PROM1: variants seen among roughly 807,000 people sequenced by gnomAD.
The protein encoded by PROM1 is prominin-1.
A neutral mutation model predicts 116.9 loss-of-function variants in PROM1; 105 were observed. The ratio of observed to expected loss-of-function variants is 0.90; its 90% CI spans 0.77 to 1.06. The LOEUF (loss-of-function observed/expected upper bound fraction) is 1.06. PROM1 is among the 50% of genes least tolerant of loss of function. The pLI, the probability that PROM1 is intolerant of heterozygous loss-of-function variation, is 0.00. For synonymous variants in PROM1, 393 were observed against 387.0 expected (o/e 1.02, Z -0.18); for missense variants, 1,122 against 1,045.2 (o/e 1.07, Z -1.01).
chr4:15,985,260 T>A (rs1369243388), intron 22 of PROM1, among the ~76,000 whole-genome samples: 1 of 152,164 alleles, frequency 6.6e-6, no homozygotes, highest in Non-Finnish European at 1.5e-5. Flanking sequence ...CTATATCTTT[T>A]ATATAAGGGA....
At chr4:15,988,026 T>A (rs371888602) in intron 19 of PROM1, among the ~76,000 whole-genome samples, 21 of 152,076 alleles carry the variant, frequency 1.4e-4, no homozygotes, top group African/African-American at 4.8e-4. Context: ...ACAGGCGTCC[T>A]CCACCACGCC....
At chr4:16,038,609 G>C (rs1560544825) in intron 3 of PROM1, among the ~76,000 whole-genome samples, 1 of 151,518 alleles carries the variant, frequency 6.6e-6, no homozygotes, top group African/African-American at 2.4e-5. Flanking sequence ...CACCATATTG[G>C]CCAGGCTGGT....
At position 15,979,423 on chromosome 4, in the gene PROM1, A is replaced by G; in HGVS notation, c.2554T>C (p.Tyr852His). 2 of 1,613,362 alleles carry G rather than the reference A, an allele frequency of 1.2e-6. No homozygotes were observed. The highest frequency in any genetic ancestry group is 1.7e-6 in the Non-Finnish European group (2 of 1,179,618). ...GTCATAACAGGATTGTGAATACCAT[A>G]TACATGATCTTTATGATAACCATTA... ...GNNGYHKDHV[Y>H]GIHNPVMTSP... The change falls in exon 26 of 28, where the codon TAT becomes CAT. Residue 852 changes from tyrosine (Y) to histidine (H), a missense_variant. Coordinates refer to ENST00000447510, the MANE Select transcript of PROM1 (RefSeq NM_006017.3).
intron 2 of PROM1, among the ~76,000 whole-genome samples, chr4:16,072,023 G>A (rs1742929433): frequency 6.6e-6 from 1 of 152,082 alleles, no homozygotes; most frequent in South Asian, 2.1e-4. Flanking sequence ...TAATCCTTTT[G>A]CAGCTTCAGG....
chr4:16,063,405 G>T (rs1740801966), intron 2 of PROM1, among the ~76,000 whole-genome samples: 1 of 152,094 alleles, frequency 6.6e-6, no homozygotes, highest in African/African-American at 2.4e-5. Flanking sequence ...AGACCAGCCT[G>T]GCCAACATGG....
chr4:15,978,415 T>G (rs929351115), intron 26 of PROM1, among the ~76,000 whole-genome samples: 2 of 152,236 alleles, frequency 1.3e-5, no homozygotes, highest in Non-Finnish European at 1.5e-5. Flanking sequence ...AGGTGGAGCA[T>G]CAACTGTTAC....
intron 18 of PROM1, 23 bp downstream of exon 18, chr4:15,991,199 T>G (rs1427221782): frequency 2.5e-6 from 4 of 1,588,288 alleles, no homozygotes; most frequent in Non-Finnish European, 3.4e-6. Context: ...ACTACAGTAT[T>G]TAACCGGACG....
intron 26 of PROM1, chr4:15,976,109 G>A (rs933416294): frequency 3.6e-5 from 16 of 447,870 alleles, no homozygotes; most frequent in Admixed American, 1.2e-4. Context: ...AATGTCTGTC[G>A]TAAGCAGAAT....
chr4:15,991,193 C>T, intron 18 of PROM1, 29 bp downstream of exon 18: 1 of 1,568,606 alleles, frequency 6.4e-7, no homozygotes. Context: ...ACAACTACTA[C>T]AGTATTTAAC....
intron 17 of PROM1, among the ~76,000 whole-genome samples, chr4:15,991,796 C>T (rs1485515218): frequency 3.3e-5 from 5 of 151,620 alleles, no homozygotes; most frequent in East Asian, 1.9e-4. Flanking sequence ...GTTAGCTGGG[C>T]GTGGTGGCAG....
In PROM1 at chr4:16,006,569, C is replaced by G; in HGVS notation, c.1423G>C (p.Val475Leu). The G allele has an allele frequency of 6.2e-7, 1 of 1,601,102 alleles. No individual in the cohort carries two copies. Reference sequence around the variant, plus strand: ...AGGAAGACGCCTCCGGTGTTGGAGACACAGCCTCGGGTGGTCGGGGTGGCA... The same window carrying G: ...AGGAAGACGCCTCCGGTGTTGGAGAGACAGCCTCGGGTGGTCGGGGTGGCA... Reference protein sequence around the residue: ...RHATPTTRGCVSNTGGVFLMV... With the variant: ...RHATPTTRGCLSNTGGVFLMV... The change falls in exon 13 of 28, where the codon GTC becomes CTC. Residue 475 changes from valine (V) to leucine (L), a missense_variant. Transcript: ENST00000447510.
chr4:15,974,640 T>C (rs1715616892), intron 26 of PROM1, among the ~76,000 whole-genome samples: 1 of 152,206 alleles, frequency 6.6e-6, no homozygotes, highest in African/African-American at 2.4e-5. Context: ...TAAATAATTT[T>C]TTTTTTCATT....
Position 16,015,840 on chromosome 4 carries a change from G to A in PROM1, c.1077+326C>T, listed in dbSNP as rs1414741905. ...AGAAAACCAGTATAGCTGACTCACT[G>A]GCAGAGGGGGACAGCATTTTGTATC... On this transcript the variant is annotated intron_variant, in intron 10 of 27. Transcript: ENST00000447510. 2.0e-5 allele frequency among the ~76,000 whole-genome samples: 3 copies of A among 152,152 alleles called. 1 individual carries two copies. The highest frequency in any genetic ancestry group is 1.3e-4 in the Admixed American group (2 of 15,260).
chr4:15,973,499 T>C (rs1715203270), intron 26 of PROM1, among the ~76,000 whole-genome samples: 1 of 152,188 alleles, frequency 6.6e-6, no homozygotes, highest in Non-Finnish European at 1.5e-5. Context: ...GAACACCATC[T>C]ACAGCCGAAC....
intron 22 of PROM1, 105 bp from the exon 23 acceptor site, chr4:15,984,460 A>C: frequency 1.2e-6 from 1 of 807,082 alleles, no homozygotes; most frequent in Non-Finnish European, 1.9e-6. Context: ...AAGGATCTCC[A>C]TGTCCTCTAA....
chr4:16,020,396 C>T (rs1479421520), intron 8 of PROM1, among the ~76,000 whole-genome samples: 3 of 152,132 alleles, frequency 2.0e-5, no homozygotes, highest in Non-Finnish European at 4.4e-5. Flanking sequence ...ACCTATCATC[C>T]AGTATTGTCG....
intron 23 of PROM1, among the ~76,000 whole-genome samples, chr4:15,981,561 G>A (rs1347947814): frequency 6.8e-6 from 1 of 146,914 alleles, no homozygotes; most frequent in Non-Finnish European, 1.5e-5. Context: ...AACAGAACGA[G>A]ACTCTATCTC....
intron 8 of PROM1, among the ~76,000 whole-genome samples, chr4:16,019,012 G>C (rs1384327894): frequency 6.6e-6 from 1 of 152,200 alleles, no homozygotes; most frequent in East Asian, 1.9e-4. Context: ...ATTCAGGCAG[G>C]TCTAGGCATG....
intron 2 of PROM1, among the ~76,000 whole-genome samples, chr4:16,059,871 T>A (rs1578256388): frequency 6.6e-6 from 1 of 151,920 alleles, no homozygotes; most frequent in Admixed American, 6.6e-5. Context: ...TTAAAAAAAA[T>A]GGTAGTAAGA....
Sources: gnomAD v4.1 joint callset for allele counts (sites outside exome capture counted in the v4.1 genomes callset) on GRCh38, gnomAD v4.1.1 for gene constraint, MANE v1.5 for transcripts, NCBI Gene and HGNC (gene_info 2026-07-23, HGNC 2026-07-21) for gene names.